LARP4B: variants seen among roughly 807,000 people sequenced by gnomAD.
LARP4B encodes the protein La ribonucleoprotein 4B, also known as la-related protein 4B.
LARP4B carries 12 observed loss-of-function variants against 89.8 expected under a neutral mutation model. The ratio of observed to expected loss-of-function variants is 0.13; its 90% CI spans 0.09 to 0.22. The LOEUF is 0.22. Among genes scored for constraint, LARP4B ranks in the 10% least tolerant of loss-of-function variants. The pLI is 1.00. For missense variants in LARP4B, 757 were observed against 947.7 expected (o/e 0.80, Z 2.64); for synonymous variants, 367 against 363.3 (o/e 1.01, Z -0.12).
chr10:842,138 T>A (rs1833549274), intron 7 of LARP4B, among the ~76,000 whole-genome samples: 1 of 152,160 alleles, frequency 6.6e-6, no homozygotes, highest in Middle Eastern at 3.2e-3. Context: ...CATCCACACT[T>A]AATGCTTAAA....
chr10:934,122 G>A (rs1168443715), upstream of LARP4B, among the ~76,000 whole-genome samples: 4 of 151,916 alleles, frequency 2.6e-5, no homozygotes, highest in Admixed American at 6.5e-5. Context: ...GTGAGCCACC[G>A]TTCCCGGCTG....
At chr10:889,616 C>G (rs1835957630) in intron 1 of LARP4B, among the ~76,000 whole-genome samples, 1 of 152,188 alleles carries the variant, frequency 6.6e-6, no homozygotes, top group Non-Finnish European at 1.5e-5. Context: ...GAAGCATTTA[C>G]TCAATCCAAT....
At chr10:819,274 T>C (rs997615) in intron 14 of LARP4B, 62,239 of 152,018 alleles carry the variant, frequency 0.41, 13,322 homozygotes, top group South Asian at 0.5. Context: ...AATCTCAACT[T>C]GTAGAAGCAA....
chr10:909,033 G>A (rs529001780), intron 1 of LARP4B, among the ~76,000 whole-genome samples: 19 of 152,256 alleles, frequency 1.2e-4, no homozygotes, highest in Admixed American at 3.3e-4. Context: ...GGTGGCTCAT[G>A]CCTGTAATCC....
chr10:864,287 G>C lies in LARP4B; in HGVS notation c.142-17C>G, dbSNP rs757176526. ...TGCTGGTACCTAGGAAGAAATGTAA[G>C]ATAGACATTTGTATCCAAATGTCAA... On this transcript the variant is annotated splice_polypyrimidine_tract_variant and intron_variant, in intron 3 of 17. Coordinates refer to ENST00000316157, the MANE Select transcript of LARP4B (RefSeq NM_015155.3). 2 of 1,613,350 alleles carry C rather than the reference G, an allele frequency of 1.2e-6. No homozygotes were observed.
chr10:954,347 C>T, the LARP4B span, among the ~76,000 whole-genome samples: 1 of 152,120 alleles, frequency 6.6e-6, no homozygotes. This position sits in a 1 kb window ranked among gnomAD's most constrained non-coding sequence, Gnocchi z 5.0. Context: ...TCCAGGCCTC[C>T]TACATGTGGA....
intron 1 of LARP4B, among the ~76,000 whole-genome samples, chr10:922,305 A>G (rs1450781177): frequency 6.6e-6 from 1 of 152,232 alleles, no homozygotes; most frequent in Non-Finnish European, 1.5e-5. Context: ...CCTGCTGTGC[A>G]GCGCAGTTCC....
chr10:958,787 C>T, the LARP4B span, among the ~76,000 whole-genome samples: 3 of 152,254 alleles, frequency 2.0e-5, no homozygotes, highest in South Asian at 2.1e-4. Flanking sequence ...ACACTGACAA[C>T]GTTCATGGGG....
chr10:855,869 G>A (rs771487063), intron 5 of LARP4B, among the ~76,000 whole-genome samples: 6 of 152,216 alleles, frequency 3.9e-5, no homozygotes, highest in Non-Finnish European at 7.3e-5. Context: ...GAGTCAAAGC[G>A]GGCTAGCGCA....
intron 5 of LARP4B, among the ~76,000 whole-genome samples, chr10:853,184 T>C (rs1834140340): frequency 6.6e-6 from 1 of 152,206 alleles, no homozygotes; most frequent in Non-Finnish European, 1.5e-5. Flanking sequence ...ATTTCAAGAA[T>C]TATTAACAGT....
At chr10:985,973 G>A in the LARP4B span, 3 of 152,336 alleles carry the variant, frequency 2.0e-5, no homozygotes, top group Non-Finnish European at 4.4e-5. Context: ...CATGTGACTC[G>A]TTCTGAATGA....
chr10:914,414 C>A (rs1184483616), intron 1 of LARP4B, among the ~76,000 whole-genome samples: 1 of 150,144 alleles, frequency 6.7e-6, no homozygotes, highest in Non-Finnish European at 1.5e-5. Context: ...GGTAAAATGC[C>A]AATATAAAAA....
the LARP4B span, among the ~76,000 whole-genome samples, chr10:948,071 G>A: frequency 6.6e-6 from 1 of 151,924 alleles, no homozygotes; most frequent in Admixed American, 6.6e-5. Flanking sequence ...CTGGAGCTGC[G>A]CCGACTGCCC....
intron 1 of LARP4B, among the ~76,000 whole-genome samples, chr10:919,929 A>G (rs561443020): frequency 9.8e-5 from 15 of 152,374 alleles, no homozygotes; most frequent in African/African-American, 3.1e-4. Flanking sequence ...CAGAACACCA[A>G]TTAGCACCTC....
chr10:842,474 G>A (rs560049144), intron 7 of LARP4B, among the ~76,000 whole-genome samples: 6 of 152,146 alleles, frequency 3.9e-5, no homozygotes, highest in South Asian at 2.1e-4. Context: ...GGGATTACAC[G>A]CGTAAGCCAC....
chr10:967,339 T>TA, the LARP4B span, among the ~76,000 whole-genome samples: 157 of 152,036 alleles, frequency 1.0e-3, no homozygotes, highest in African/African-American at 3.5e-3. Context: ...CAGAACACCT[T>TA]AAAAAGGAAC....
chr10:872,524 A>C (rs1420473257), intron 3 of LARP4B, among the ~76,000 whole-genome samples: 1 of 152,172 alleles, frequency 6.6e-6, no homozygotes, highest in Non-Finnish European at 1.5e-5. Flanking sequence ...CATCAATACC[A>C]ACAGGGTTTC....
chr10:856,947 G>C (rs1215936713), intron 5 of LARP4B, among the ~76,000 whole-genome samples: 1 of 152,064 alleles, frequency 6.6e-6, no homozygotes, highest in Non-Finnish European at 1.5e-5. Flanking sequence ...GGGGAGGAAA[G>C]AAGAGAAGCT....
intron 1 of LARP4B, among the ~76,000 whole-genome samples, chr10:886,212 G>A (rs183368667): frequency 6.6e-6 from 1 of 152,202 alleles, no homozygotes; most frequent in Admixed American, 6.5e-5. Context: ...ATAGAAATAC[G>A]AAAAGGTGCT....
Sources: allele counts gnomAD v4.1 joint callset (sites outside exome capture counted in the v4.1 genomes callset), GRCh38; gene constraint gnomAD v4.1.1; non-coding constraint Gnocchi (gnomAD v3.1); transcripts MANE v1.5; gene names NCBI Gene and HGNC (gene_info 2026-07-23, HGNC 2026-07-21).